The following PBX1 variants were observed in gnomAD, a reference collection of about 807,000 sequenced individuals.
PBX1 encodes pre-B-cell leukemia transcription factor 1.
Under a neutral mutation model 53.4 loss-of-function variants are expected in PBX1, and 6 were observed. The ratio of observed to expected loss-of-function variants is 0.11; its 90% CI spans 0.06 to 0.22. PBX1 has a LOEUF of 0.22. Ranked by LOEUF, PBX1 falls within the 10% of genes least tolerant of loss-of-function variation. PBX1 has a pLI of 1.00. For missense variants in PBX1, 251 were observed against 551.4 expected (o/e 0.46, Z 5.46); for synonymous variants, 204 against 212.3 (o/e 0.96, Z 0.34).
intron 2 of PBX1, among the ~76,000 whole-genome samples, chr1:164,584,359 GAGAA>G (rs1365865532): frequency 2.0e-5 from 3 of 150,978 alleles, no homozygotes; most frequent in South Asian, 2.1e-4. Context: ...GGGAGAGAGA[GAGAA>G]AGAGAGAGAG....
chr1:164,865,173 T>C (rs1462121372), intron 2 of PBX1, among the ~76,000 whole-genome samples: 1 of 152,236 alleles, frequency 6.6e-6, no homozygotes, highest in African/African-American at 2.4e-5. Context: ...CTGCAGGTGA[T>C]GAAACTGAGA....
intron 2 of PBX1, among the ~76,000 whole-genome samples, chr1:164,628,538 C>T (rs946746012): frequency 2.0e-5 from 3 of 152,208 alleles, no homozygotes; most frequent in Non-Finnish European, 4.4e-5. Flanking sequence ...CTTCTCATTG[C>T]AGCTGAGCTT....
chr1:164,576,097 T>C (rs960706973), intron 2 of PBX1, among the ~76,000 whole-genome samples: 1 of 152,108 alleles, frequency 6.6e-6, no homozygotes, highest in Non-Finnish European at 1.5e-5. Context: ...TGGAAGGAGT[T>C]TAAGGGGATG....
chr1:164,837,922 C>T lies in PBX1; in HGVS notation c.1201-8662C>T, dbSNP rs148947207. ...ATGGAGAGGCTCAGCTAAAACCACC[C>T]CGTGTCTCAGATCCCTTATATGGCA... On this transcript the variant is annotated intron_variant, in intron 8 of 8. Transcript: ENST00000420696. Among the ~76,000 whole-genome samples the T allele has an allele frequency of 3.3e-3, 510 of 152,300 alleles. 6 individuals are homozygous for T. The highest frequency in any genetic ancestry group is 0.02 in the Middle Eastern group (6 of 294).
intron 2 of PBX1, among the ~76,000 whole-genome samples, chr1:164,709,916 G>A (rs1663658237): frequency 6.6e-6 from 1 of 152,194 alleles, no homozygotes; most frequent in African/African-American, 2.4e-5. Context: ...AGGAAAGCAT[G>A]GAGATGGGGT....
chr1:164,622,711 G>A (rs575847648), intron 2 of PBX1, among the ~76,000 whole-genome samples: 3 of 152,008 alleles, frequency 2.0e-5, no homozygotes, highest in Non-Finnish European at 4.4e-5. Flanking sequence ...ATGGAATCCA[G>A]GCTTAACCAG....
chr1:164,702,619 A>G (rs1474353256), intron 2 of PBX1, among the ~76,000 whole-genome samples: 3 of 152,006 alleles, frequency 2.0e-5, no homozygotes, highest in African/African-American at 7.3e-5. Context: ...GTGCTTCTAC[A>G]GTGGCAGGTA....
rs551127465 is a variant in PBX1 at position 164,718,025 on chromosome 1, G to A, written c.266-74469G>A. On this transcript the variant is annotated intron_variant, in intron 2 of 8. Transcript: ENST00000420696. ...GGCAAATGACATTATCCCCATTTGC[G>A]TAGATTCAAAACTGAGGTTCAAAGT... 3.3e-4 allele frequency among the ~76,000 whole-genome samples: 51 copies of A among 152,304 alleles called. 1 individual carries two copies. The South Asian group carries it at 9.7e-3, about 29-fold the overall frequency.
intron 2 of PBX1, among the ~76,000 whole-genome samples, chr1:164,656,521 C>G (rs574272657): frequency 1.4e-4 from 22 of 151,944 alleles, no homozygotes; most frequent in Non-Finnish European, 2.5e-4. Flanking sequence ...GTTTCACTTC[C>G]CTGAAACTAA....
chr1:164,816,155 G>A (rs1314281345), intron 6 of PBX1: 2 of 152,034 alleles, frequency 1.3e-5, no homozygotes, highest in East Asian at 1.9e-4. Flanking sequence ...ATTTGTCCTG[G>A]AATTGGAACT....
intron 2 of PBX1, chr1:164,657,241 C>T (rs1345084584): frequency 6.6e-6 from 1 of 152,144 alleles, no homozygotes; most frequent in East Asian, 1.9e-4. Flanking sequence ...GGCAGTTCCA[C>T]CTGTTCTAAT....
chr1:164,580,712 G>A (rs150613801), intron 2 of PBX1, among the ~76,000 whole-genome samples: 1 of 151,982 alleles, frequency 6.6e-6, no homozygotes, highest in Non-Finnish European at 1.5e-5. Context: ...GAGTAGCTGG[G>A]ATTACAGGAG....
At chr1:164,650,599 T>C (rs903390616) in intron 2 of PBX1, among the ~76,000 whole-genome samples, 1 of 152,166 alleles carries the variant, frequency 6.6e-6, no homozygotes, top group African/African-American at 2.4e-5. Flanking sequence ...ATGTGGAGAA[T>C]AGAGAGCCAT....
At chr1:164,633,298 C>A (rs1158136109) in intron 2 of PBX1, among the ~76,000 whole-genome samples, 1 of 151,888 alleles carries the variant, frequency 6.6e-6, no homozygotes, top group Admixed American at 6.6e-5. Flanking sequence ...TACAGGTGTG[C>A]GTCACCATGC....
intron 2 of PBX1, among the ~76,000 whole-genome samples, chr1:164,634,080 C>A (rs939811913): frequency 6.6e-6 from 1 of 152,224 alleles, no homozygotes; most frequent in Non-Finnish European, 1.5e-5. Flanking sequence ...AGCTCCCCAC[C>A]ACCTGTAATG....
intron 2 of PBX1, among the ~76,000 whole-genome samples, chr1:164,711,419 A>T (rs566270115): frequency 6.6e-6 from 1 of 152,088 alleles, no homozygotes; most frequent in African/African-American, 2.4e-5. Flanking sequence ...GCCCGCCACC[A>T]TGCCCGGCTA....
At chr1:164,600,650 G>A (rs1472349831) in intron 2 of PBX1, among the ~76,000 whole-genome samples, 3 of 152,188 alleles carry the variant, frequency 2.0e-5, no homozygotes, top group Non-Finnish European at 2.9e-5. Context: ...CCCCATGCCT[G>A]TTTAACACAG....
At chr1:164,666,593 G>A (rs1442386072) in intron 2 of PBX1, among the ~76,000 whole-genome samples, 2 of 152,078 alleles carry the variant, frequency 1.3e-5, no homozygotes, top group Non-Finnish European at 2.9e-5. Flanking sequence ...CTCTGTTATT[G>A]CTATTTTAGT....
At chr1:164,780,851 A>G (rs1273814638) in intron 2 of PBX1, among the ~76,000 whole-genome samples, 2 of 152,034 alleles carry the variant, frequency 1.3e-5, no homozygotes, top group Non-Finnish European at 2.9e-5. Flanking sequence ...TTTCTTATTT[A>G]CTGCCTCTTG....
Sources: allele counts gnomAD v4.1 joint callset (sites outside exome capture counted in the v4.1 genomes callset), GRCh38; gene constraint gnomAD v4.1.1; transcripts MANE v1.5; gene names NCBI Gene and HGNC (gene_info 2026-07-23, HGNC 2026-07-21).